CDH2: variants seen among roughly 807,000 people sequenced by gnomAD.
CDH2 encodes cadherin-2.
Under a neutral mutation model 92.0 loss-of-function variants are expected in CDH2, and 17 were observed. That is an observed-to-expected ratio of 0.18 (90% CI 0.13 to 0.28). The LOEUF (loss-of-function observed/expected upper bound fraction) is 0.28. CDH2 is among the 10% of genes least tolerant of loss of function. The pLI, the probability that CDH2 is intolerant of heterozygous loss-of-function variation, is 1.00. For synonymous variants in CDH2, 419 were observed against 415.9 expected (o/e 1.01, Z -0.09); for missense variants, 862 against 1,133.1 (o/e 0.76, Z 3.44).
chr18:28,144,458 C>G (rs1228772963), intron 2 of CDH2, among the ~76,000 whole-genome samples: 1 of 151,918 alleles, frequency 6.6e-6, no homozygotes, highest in Admixed American at 6.6e-5. Flanking sequence ...AACACACAAG[C>G]CTTGTAATGA....
chr18:28,119,020 T>C (rs779566789), intron 2 of CDH2, among the ~76,000 whole-genome samples: 3 of 152,066 alleles, frequency 2.0e-5, no homozygotes, highest in Non-Finnish European at 2.9e-5. Flanking sequence ...ATACAATCCA[T>C]TGGAAAGTTC....
intron 7 of CDH2, among the ~76,000 whole-genome samples, chr18:27,997,930 C>T (rs1021019642): frequency 5.9e-5 from 9 of 152,074 alleles, no homozygotes; most frequent in Non-Finnish European, 1.2e-4. Flanking sequence ...CCTCAGCCTC[C>T]CGAGTAGCTG....
chr18:28,169,986 T>C (rs2016440721), intron 1 of CDH2, among the ~76,000 whole-genome samples: 1 of 152,218 alleles, frequency 6.6e-6, no homozygotes, highest in African/African-American at 2.4e-5. Context: ...AAGTTAAACA[T>C]TCAATCAGTC....
At chr18:27,982,170 C>CT (rs2012076515) in intron 14 of CDH2, among the ~76,000 whole-genome samples, 1 of 152,180 alleles carries the variant, frequency 6.6e-6, no homozygotes, top group African/African-American at 2.4e-5. Flanking sequence ...ACCTAATGTA[C>CT]TTAACAGAAT....
At chr18:28,043,254 T>C (rs997374133) in intron 2 of CDH2, among the ~76,000 whole-genome samples, 5 of 151,676 alleles carry the variant, frequency 3.3e-5, no homozygotes, top group African/African-American at 7.2e-5. Context: ...GCTATGAGGA[T>C]ACAAAGGCAT....
chr18:27,975,736 G>T (rs955240247), intron 14 of CDH2, among the ~76,000 whole-genome samples: 4 of 152,296 alleles, frequency 2.6e-5, no homozygotes, highest in Admixed American at 2.6e-4. Flanking sequence ...AGCCTTTTGG[G>T]TACCCACACT....
At chr18:28,080,714 G>A (rs2014812829) in intron 2 of CDH2, among the ~76,000 whole-genome samples, 1 of 152,198 alleles carries the variant, frequency 6.6e-6, no homozygotes, top group South Asian at 2.1e-4. Flanking sequence ...TGGGAAAGAT[G>A]CAATACTCCT....
intron 2 of CDH2, among the ~76,000 whole-genome samples, chr18:28,023,694 T>C (rs1599041762): frequency 6.6e-6 from 1 of 152,176 alleles, no homozygotes; most frequent in South Asian, 2.1e-4. Flanking sequence ...GAAGTTTGTT[T>C]TGATTTGCTC....
intron 1 of CDH2, among the ~76,000 whole-genome samples, chr18:28,164,095 C>A (rs2016344466): frequency 6.6e-6 from 1 of 152,144 alleles, no homozygotes; most frequent in Admixed American, 6.5e-5. Flanking sequence ...TCATATCACA[C>A]TTCACAATAA....
chr18:27,951,179 T>G lies in CDH2; in HGVS notation c.*974A>C, dbSNP rs1909425157. ...TCCTTTCCTTTTTTTTTTTTTTTGG[T>G]ACAAATTATGTAAAACATTTGTGCT... is the stretch of plus-strand genomic sequence containing the variant. On this transcript the variant is annotated 3_prime_UTR_variant, in exon 16 of 16. Transcript: ENST00000269141. 1 of 147,000 alleles carries G rather than the reference T, an allele frequency of 6.8e-6. No individual in the cohort carries two copies. The highest frequency in any genetic ancestry group is 2.0e-4 in the East Asian group (1 of 4,994). The allele number at this position is 147,000 out of a possible 1,614,324, so 9.1% of individuals were successfully genotyped here.
intron 15 of CDH2, among the ~76,000 whole-genome samples, chr18:27,955,113 C>T (rs1909642787): frequency 6.6e-6 from 1 of 152,094 alleles, no homozygotes; most frequent in Admixed American, 6.6e-5. Context: ...GCTAAGATCA[C>T]TTTGTTCAGG....
At chr18:27,960,060 G>A (rs965877094) in intron 15 of CDH2, among the ~76,000 whole-genome samples, 7 of 108,282 alleles carry the variant, frequency 6.5e-5, no homozygotes, top group Non-Finnish European at 9.0e-5. Context: ...ACACACACTC[G>A]TGGATTTAGT....
intron 2 of CDH2, among the ~76,000 whole-genome samples, chr18:28,080,587 A>G (rs1345864113): frequency 2.0e-5 from 3 of 152,246 alleles, no homozygotes; most frequent in Non-Finnish European, 4.4e-5. Context: ...ATAAATTACC[A>G]TAAATCTTAA....
chr18:28,042,018 G>A (rs2013957179), intron 2 of CDH2, among the ~76,000 whole-genome samples: 1 of 151,738 alleles, frequency 6.6e-6, no homozygotes. Context: ...ATATTAAGAG[G>A]GTAATCATCA....
intron 2 of CDH2, among the ~76,000 whole-genome samples, chr18:28,087,897 CAGGCAAA>C (rs1457004347): frequency 6.6e-6 from 1 of 152,172 alleles, no homozygotes; most frequent in Non-Finnish European, 1.5e-5. Flanking sequence ...TTATAAAGGA[CAGGCAAA>C]CCACACTACA....
At chr18:27,984,162 G>C (rs1009640652) in intron 13 of CDH2, among the ~76,000 whole-genome samples, 9 of 152,086 alleles carry the variant, frequency 5.9e-5, no homozygotes, top group African/African-American at 2.2e-4. Flanking sequence ...TAGAATAAAG[G>C]GACAGAATTC....
intron 15 of CDH2, among the ~76,000 whole-genome samples, chr18:27,963,081 C>T (rs1396447047): frequency 3.3e-5 from 5 of 151,954 alleles, no homozygotes. Context: ...GAAAAAAAAT[C>T]CTTCTCGGAG....
At chr18:28,175,887 G>A (rs1332626342) in intron 1 of CDH2, among the ~76,000 whole-genome samples, 2 of 152,226 alleles carry the variant, frequency 1.3e-5, no homozygotes, top group South Asian at 2.1e-4. Context: ...GGCAGGCGGA[G>A]ACCGACTTGG....
At chr18:28,042,415 G>A (rs376821864) in intron 2 of CDH2, among the ~76,000 whole-genome samples, 3 of 152,212 alleles carry the variant, frequency 2.0e-5, no homozygotes, top group African/African-American at 7.2e-5. Flanking sequence ...TATGGCTGGT[G>A]TATATACAGT....
Sources: gnomAD v4.1 joint callset for allele counts (sites outside exome capture counted in the v4.1 genomes callset) on GRCh38, gnomAD v4.1.1 for gene constraint, MANE v1.5 for transcripts, NCBI Gene and HGNC (gene_info 2026-07-23, HGNC 2026-07-21) for gene names.